IMMP2L: variants seen among roughly 807,000 people sequenced by gnomAD.
IMMP2L encodes the protein inner mitochondrial membrane peptidase subunit 2.
A neutral mutation model predicts 19.3 loss-of-function variants in IMMP2L; 18 were observed. The ratio of observed to expected loss-of-function variants is 0.93; its 90% CI spans 0.64 to 1.38. The LOEUF (loss-of-function observed/expected upper bound fraction) is 1.38. Ranked by LOEUF, IMMP2L falls within the 40% of genes most tolerant of loss-of-function variation. The pLI is 0.00. For missense variants in IMMP2L, 233 were observed against 218.2 expected, an observed-to-expected ratio of 1.07 and a Z score of -0.43; for synonymous variants, 76 against 73.0, an observed-to-expected ratio of 1.04 and a Z score of -0.21.
At chr7:111,091,776 G>C (rs899797827) in intron 3 of IMMP2L, among the ~76,000 whole-genome samples, 1 of 151,748 alleles carries the variant, frequency 6.6e-6, no homozygotes, top group Admixed American at 6.6e-5. Context: ...AGCAGTGTTG[G>C]GGGGAGGAGA....
intron 3 of IMMP2L, among the ~76,000 whole-genome samples, chr7:111,140,358 G>A (rs1802755036): frequency 6.6e-6 from 1 of 152,114 alleles, no homozygotes; most frequent in Non-Finnish European, 1.5e-5. Flanking sequence ...AAGTAGCAAT[G>A]ACCTGGCTAA....
intron 3 of IMMP2L, among the ~76,000 whole-genome samples, chr7:111,458,036 G>C (rs1267976120): frequency 6.6e-6 from 1 of 151,754 alleles, no homozygotes; most frequent in Non-Finnish European, 1.5e-5. Context: ...ACTCTATCGA[G>C]TCTTTAATTA....
At chr7:110,975,370 A>G (rs1237148986) in intron 3 of IMMP2L, among the ~76,000 whole-genome samples, 1 of 152,140 alleles carries the variant, frequency 6.6e-6, no homozygotes, top group Admixed American at 6.6e-5. Context: ...TCAGCTGTTT[A>G]GAATGCAGAC....
At chr7:111,504,464 A>G (rs910330742) in intron 2 of IMMP2L, among the ~76,000 whole-genome samples, 2 of 152,066 alleles carry the variant, frequency 1.3e-5, no homozygotes, top group Non-Finnish European at 2.9e-5. Context: ...AGAATTGGAA[A>G]AAACTACTTT....
intron 3 of IMMP2L, among the ~76,000 whole-genome samples, chr7:111,076,039 C>T (rs1795379034): frequency 6.6e-6 from 1 of 152,096 alleles, no homozygotes; most frequent in African/African-American, 2.4e-5. Context: ...TTTCATAGAT[C>T]CTTCCAATAA....
At position 111,541,262 on chromosome 7, in the gene IMMP2L, T is replaced by C. The variant is rs534696665; in HGVS notation, c.-2-19813A>G. On this transcript the variant is annotated intron_variant, in intron 1 of 5. Transcript: ENST00000405709. ...ATGTTCAAAGGCCATTTCTGACTTC[T>C]GCTACAAGGTCAACATACTCATGAA... 1.8e-4 allele frequency among the ~76,000 whole-genome samples: 27 copies of C among 152,304 alleles called. No individual in the cohort carries two copies. The South Asian group carries it at 5.4e-3, about 30-fold the overall frequency.
At chr7:110,899,251 G>A (rs1214804569) in intron 4 of IMMP2L, among the ~76,000 whole-genome samples, 1 of 152,030 alleles carries the variant, frequency 6.6e-6, no homozygotes. Flanking sequence ...ACTAGAATGT[G>A]GTTAAATTTG....
intron 5 of IMMP2L, among the ~76,000 whole-genome samples, chr7:110,814,468 G>C (rs1450968557): frequency 6.7e-6 from 1 of 150,046 alleles, no homozygotes; most frequent in Non-Finnish European, 1.5e-5. Flanking sequence ...CATTATCAGA[G>C]TATTAATTAT....
At chr7:111,077,129 T>C (rs1431885847) in intron 3 of IMMP2L, among the ~76,000 whole-genome samples, 1 of 152,174 alleles carries the variant, frequency 6.6e-6, no homozygotes, top group African/African-American at 2.4e-5. Flanking sequence ...GCTGGTTGCA[T>C]AGTTATATTT....
intron 3 of IMMP2L, among the ~76,000 whole-genome samples, chr7:111,352,232 T>C (rs1384666099): frequency 6.6e-6 from 1 of 152,008 alleles, no homozygotes. Flanking sequence ...AAGAAAACCT[T>C]ATAAACATAG....
At chr7:110,718,013 G>A (rs757984466) in intron 5 of IMMP2L, among the ~76,000 whole-genome samples, 2 of 152,198 alleles carry the variant, frequency 1.3e-5, no homozygotes, top group Non-Finnish European at 1.5e-5. Flanking sequence ...GACTGATAAG[G>A]TATGGTCCCT....
chr7:111,077,848 G>T (rs1795549260), intron 3 of IMMP2L, among the ~76,000 whole-genome samples: 2 of 152,202 alleles, frequency 1.3e-5, no homozygotes, highest in Admixed American at 6.5e-5. Context: ...ATGCACACTG[G>T]CCTTTTTCTG....
At chr7:111,420,036 T>C (rs781483252) in intron 3 of IMMP2L, among the ~76,000 whole-genome samples, 2 of 151,858 alleles carry the variant, frequency 1.3e-5, no homozygotes, top group African/African-American at 2.4e-5. Context: ...AATAAGAATG[T>C]ATTTAATGTC....
intron 3 of IMMP2L, among the ~76,000 whole-genome samples, chr7:111,243,363 G>C (rs538894568): frequency 6.6e-6 from 1 of 152,166 alleles, no homozygotes; most frequent in Non-Finnish European, 1.5e-5. Context: ...CACAGTACTA[G>C]TAAATTCCCA....
intron 1 of IMMP2L, among the ~76,000 whole-genome samples, chr7:111,552,689 T>C (rs1313594772): frequency 2.0e-5 from 3 of 152,180 alleles, no homozygotes; most frequent in Non-Finnish European, 4.4e-5. Flanking sequence ...ACTGTTATCC[T>C]CTCAGAGAGC....
At chr7:111,366,690 G>C (rs931003347) in intron 3 of IMMP2L, among the ~76,000 whole-genome samples, 5 of 151,908 alleles carry the variant, frequency 3.3e-5, no homozygotes, top group Admixed American at 6.6e-5. Context: ...GCGATATTTA[G>C]AGGTAAAGGA....
intron 3 of IMMP2L, among the ~76,000 whole-genome samples, chr7:111,236,485 T>C (rs1241458547): frequency 3.3e-5 from 5 of 152,138 alleles, no homozygotes; most frequent in South Asian, 2.1e-4. Context: ...CTGGCTGATA[T>C]GGGAACATGA....
chr7:110,882,416 T>C (rs1012676928), intron 5 of IMMP2L, among the ~76,000 whole-genome samples: 3 of 151,424 alleles, frequency 2.0e-5, no homozygotes, highest in African/African-American at 7.3e-5. Flanking sequence ...GTTTCTCTGT[T>C]GTTTCCCAGG....
chr7:111,242,398 A>T (rs2129630007), intron 3 of IMMP2L, among the ~76,000 whole-genome samples: 1 of 152,274 alleles, frequency 6.6e-6, no homozygotes, highest in South Asian at 2.1e-4. Context: ...ACTAAACAAT[A>T]AATGAATCTG....
Sources: gnomAD v4.1 joint callset for allele counts (sites outside exome capture counted in the v4.1 genomes callset) on GRCh38, gnomAD v4.1.1 for gene constraint, MANE v1.5 for transcripts, NCBI Gene and HGNC (gene_info 2026-07-23, HGNC 2026-07-21) for gene names.